The following KBTBD3 variants were observed in gnomAD, a reference collection of about 807,000 sequenced individuals.
KBTBD3 encodes kelch repeat and BTB domain containing 3.
In KBTBD3, 38 loss-of-function variants were observed where a neutral mutation model predicts 49.6. The observed-to-expected ratio is 0.77, with a 90% CI of 0.59 to 1.00. The LOEUF is 1.00. Ranked by LOEUF, KBTBD3 falls within the 50% of genes least tolerant of loss-of-function variation. The probability of loss-of-function intolerance (pLI) is 0.00; values close to 1 mark genes in which losing one functional copy is unlikely to be tolerated. For synonymous variants in KBTBD3, 214 were observed against 250.4 expected (o/e 0.85, Z 1.37); for missense variants, 661 against 712.0 (o/e 0.93, Z 0.81).
At chr11:106,059,511 T>C (rs1860638707) in intron 2 of KBTBD3, among the ~76,000 whole-genome samples, 1 of 152,192 alleles carries the variant, frequency 6.6e-6, no homozygotes, top group African/African-American at 2.4e-5. Flanking sequence ...CATTCTCTTC[T>C]GGTAACAAAG....
intron 2 of KBTBD3, among the ~76,000 whole-genome samples, chr11:106,067,559 C>T (rs373658630): frequency 6.6e-6 from 1 of 150,652 alleles, no homozygotes; most frequent in South Asian, 2.1e-4. Context: ...TGCAGTGAGC[C>T]GAGATCGTGC....
Position 106,052,744 on chromosome 11 carries a change from A to G in KBTBD3, c.*106T>C, listed in dbSNP as rs1466008139. 3.4e-6 allele frequency: 3 copies of G among 893,152 alleles called. No homozygotes were observed. Among genetic ancestry groups the G allele is most frequent in the Non-Finnish European group, 5.1e-6 (3 of 584,032 alleles). 55.3% of individuals were successfully genotyped at this position (893,152 alleles called of 1,614,324 possible). The stretch of plus-strand genomic sequence containing the variant: ...TATATGGTGTACATACATAATAACT[A>G]AAAGCAGGAATGTTTTATTTCATTA... On this transcript the variant is annotated 3_prime_UTR_variant, in exon 4 of 4. Transcript: ENST00000531837.
intron 1 of KBTBD3, among the ~76,000 whole-genome samples, 162 bp from the exon 2 acceptor site, chr11:106,076,869 A>G (rs147224738): frequency 5.3e-5 from 8 of 152,362 alleles, no homozygotes; most frequent in African/African-American, 1.9e-4. Flanking sequence ...CTAGTGCTCT[A>G]GCCCAGGCTT....
intron 2 of KBTBD3, among the ~76,000 whole-genome samples, chr11:106,062,475 G>GT (rs2135009165): frequency 6.6e-6 from 1 of 152,282 alleles, no homozygotes; most frequent in East Asian, 1.9e-4. Context: ...AGCCAATGGT[G>GT]TAAGTTTCAA....
intron 2 of KBTBD3, among the ~76,000 whole-genome samples, chr11:106,067,200 C>T (rs1281403931): frequency 6.6e-6 from 1 of 152,216 alleles, no homozygotes; most frequent in Non-Finnish European, 1.5e-5. Flanking sequence ...CCCAAGCCTG[C>T]AAAGGTACAA....
intron 3 of KBTBD3, chr11:106,057,736 A>G (rs1565402091): frequency 3.9e-6 from 1 of 255,724 alleles, no homozygotes; most frequent in East Asian, 7.0e-5. Context: ...AATGCCTTAT[A>G]GCTAAGAAGT....
At chr11:106,072,992 GA>G (rs1440008795) in intron 2 of KBTBD3, among the ~76,000 whole-genome samples, 5 of 152,300 alleles carry the variant, frequency 3.3e-5, no homozygotes, top group African/African-American at 1.2e-4. Flanking sequence ...GTAGGAAGTG[GA>G]AATAAAAATG....
chr11:106,059,251 T>C, intron 2 of KBTBD3, 142 bp from the exon 3 acceptor site: 1 of 554,818 alleles, frequency 1.8e-6, no homozygotes, highest in East Asian at 3.4e-5. Context: ...AAACATTTGT[T>C]TTCCTGACAT....
At position 106,051,422 on chromosome 11, in the gene KBTBD3, T is replaced by G. The variant is rs1328224850; in HGVS notation, c.*1428A>C. ...CTGTTTTGAAAAATACATTTGGAAC[T>G]TATCGTTGCATAAATTTATATGATA... On this transcript the variant is annotated 3_prime_UTR_variant, in exon 4 of 4. Coordinates refer to ENST00000531837, the MANE Select transcript of KBTBD3 (RefSeq NM_198439.3). 13 of 151,946 alleles carry G rather than the reference T, an allele frequency of 8.6e-5. No individual in the cohort carries two copies. The highest frequency in any genetic ancestry group is 2.9e-5 in the Non-Finnish European group (2 of 67,876). 9.4% of individuals were successfully genotyped at this position (151,946 alleles called of 1,614,324 possible).
At chr11:106,071,271 C>G (rs1346907012) in intron 2 of KBTBD3, among the ~76,000 whole-genome samples, 1 of 151,918 alleles carries the variant, frequency 6.6e-6, no homozygotes. Context: ...GAGATACTTC[C>G]AAAAGAATAA....
intron 2 of KBTBD3, among the ~76,000 whole-genome samples, chr11:106,067,962 A>T (rs1213817478): frequency 1.3e-5 from 2 of 152,188 alleles, no homozygotes; most frequent in Non-Finnish European, 2.9e-5. Flanking sequence ...AATTAAAATA[A>T]AGCAGGCATG....
At chr11:106,058,239 C>T (rs1860597640) in intron 3 of KBTBD3, among the ~76,000 whole-genome samples, 1 of 151,792 alleles carries the variant, frequency 6.6e-6, no homozygotes, top group Admixed American at 6.6e-5. Context: ...AAAAAATTAG[C>T]CGGGTGTGGT....
intron 2 of KBTBD3, among the ~76,000 whole-genome samples, chr11:106,066,264 C>G (rs538713187): frequency 5.9e-5 from 9 of 152,138 alleles, no homozygotes; most frequent in Admixed American, 2.6e-4. Context: ...GGTTCCGTTT[C>G]TAGCCATTTA....
intron 2 of KBTBD3, among the ~76,000 whole-genome samples, chr11:106,072,214 AATG>A (rs1860932563): frequency 6.6e-6 from 1 of 152,250 alleles, no homozygotes; most frequent in African/African-American, 2.4e-5. Context: ...CTAAACAGAG[AATG>A]ATATTATGAA....
At chr11:106,069,145 C>G (rs1232453282) in intron 2 of KBTBD3, among the ~76,000 whole-genome samples, 1 of 152,050 alleles carries the variant, frequency 6.6e-6, no homozygotes, top group South Asian at 2.1e-4. Flanking sequence ...ATGAGGAAAA[C>G]AGCAAGGATG....
chr11:106,070,420 A>G (rs753589282), intron 2 of KBTBD3, among the ~76,000 whole-genome samples: 4 of 152,084 alleles, frequency 2.6e-5, no homozygotes, highest in Non-Finnish European at 4.4e-5. Flanking sequence ...AATTCAATTT[A>G]AAAAATGCGC....
rs1412373672 is a variant in KBTBD3 at position 106,053,917 on chromosome 11, C to T, written c.772G>A (p.Glu258Lys). 6.2e-7 allele frequency: 1 copy of T among 1,613,824 alleles called. No individual in the cohort carries two copies. The highest frequency in any genetic ancestry group is 8.5e-7 in the Non-Finnish European group (1 of 1,179,918). ...EETLQDCLFNEESLLKSTNCF... is the reference protein window; with the variant it reads ...EETLQDCLFNKESLLKSTNCF... ...TTTGTGCTTTTGAGTAAACTCTCTT[C>T]ATTGAACAGACAGTCCTGAAGTGTC... The change falls in exon 4 of 4, where the codon GAA becomes AAA. Residue 258 changes from glutamate to lysine, a missense_variant. Glu to Lys is a moderately conservative substitution (Grantham distance 56). Transcript: ENST00000531837.
chr11:106,075,820 G>A lies in KBTBD3; in HGVS notation c.-13+687C>T, dbSNP rs76664808. 8.2e-3 allele frequency among the ~76,000 whole-genome samples: 1,251 copies of A among 152,264 alleles called. 23 individuals carry two copies. Among genetic ancestry groups the A allele is most frequent in the African/African-American group, 0.029 (1,207 of 41,536 alleles). On this transcript the variant is annotated intron_variant, in intron 2 of 3. Transcript: ENST00000531837. Reference sequence around the variant, plus strand: ...AAGGAATGTGATAATGGGAGAAGGGGAGAATATTCTAGATTCTAGACCAAG... The same window carrying A: ...AAGGAATGTGATAATGGGAGAAGGGAAGAATATTCTAGATTCTAGACCAAG...
chr11:106,061,631 T>C (rs1417870954), intron 2 of KBTBD3, among the ~76,000 whole-genome samples: 1 of 151,996 alleles, frequency 6.6e-6, no homozygotes, highest in African/African-American at 2.4e-5. Context: ...GAAAGAACTC[T>C]TTCTTTCTGC....
Sources: allele counts gnomAD v4.1 joint callset (sites outside exome capture counted in the v4.1 genomes callset), GRCh38; gene constraint gnomAD v4.1.1; transcripts MANE v1.5; gene names NCBI Gene and HGNC (gene_info 2026-07-23, HGNC 2026-07-21).